The following DRC4 variants were observed in gnomAD, a reference collection of about 807,000 sequenced individuals.
DRC4 encodes dynein regulatory complex subunit 4.
chr16:90,038,351 C>T, the DRC4 span, among the ~76,000 whole-genome samples: 1 of 152,126 alleles, frequency 6.6e-6, no homozygotes, highest in African/African-American at 2.4e-5. Flanking sequence ...AGGCCATAAG[C>T]ACAATTTGCT....
At chr16:90,037,360 A>G in the DRC4 span, 1 of 1,613,944 alleles carries the variant, frequency 6.2e-7, no homozygotes, top group East Asian at 2.2e-5. Context: ...AGATGCAGAA[A>G]CAGCTCGCAA....
chr16:90,028,759 C>T, the DRC4 span: 2 of 475,434 alleles, frequency 4.2e-6, no homozygotes, highest in African/African-American at 2.1e-5. Context: ...CCTGTGAGCA[C>T]CTGACATGGG....
At chr16:90,035,018 C>A in the DRC4 span, among the ~76,000 whole-genome samples, 1 of 151,570 alleles carries the variant, frequency 6.6e-6, no homozygotes, top group East Asian at 1.9e-4. Flanking sequence ...ATTCTCCTGC[C>A]TCAGCCTCTC....
chr16:90,034,588 C>T, the DRC4 span, among the ~76,000 whole-genome samples: 1 of 152,078 alleles, frequency 6.6e-6, no homozygotes, highest in Admixed American at 6.5e-5. Context: ...TGCCACTGCA[C>T]TCCAGCCTGG....
the DRC4 span, chr16:90,042,263 G>T: frequency 1.6e-6 from 1 of 617,106 alleles, no homozygotes; most frequent in Non-Finnish European, 3.0e-6. Context: ...GGCAGGTTGT[G>T]CAAGCTCCCA....
chr16:90,026,016 G>C, the DRC4 span, among the ~76,000 whole-genome samples: 1 of 152,150 alleles, frequency 6.6e-6, no homozygotes, highest in East Asian at 1.9e-4. Context: ...CTCCTTGGGA[G>C]GCTGAGGTGG....
At chr16:90,021,855 C>T in the DRC4 span, among the ~76,000 whole-genome samples, 3 of 45,396 alleles carry the variant, frequency 6.6e-5, no homozygotes, top group African/African-American at 2.7e-4. Flanking sequence ...GACCCTGTCT[C>T]CAAAAAAAAA....
chr16:90,043,725 G>C, the DRC4 span: 1 of 484,046 alleles, frequency 2.1e-6, no homozygotes, highest in South Asian at 1.5e-5. Context: ...AGCTTTGCAG[G>C]TGCTGGCACT....
the DRC4 span, chr16:90,029,015 T>C: frequency 7.7e-7 from 1 of 1,305,438 alleles, no homozygotes; most frequent in Non-Finnish European, 1.0e-6. Context: ...GAAAGATGTC[T>C]GGAGCTGCTG....
chr16:90,043,840 G>A, the DRC4 span: 61 of 466,622 alleles, frequency 1.3e-4, no homozygotes, highest in Admixed American at 4.3e-4. Flanking sequence ...CACAAAGCCC[G>A]CTCTGTTGAG....
chr16:90,027,777 C>T, the DRC4 span: 4 of 1,522,772 alleles, frequency 2.6e-6, no homozygotes, highest in South Asian at 3.4e-5. Context: ...GGGCACCACG[C>T]AGGGTGCCTA....
the DRC4 span, among the ~76,000 whole-genome samples, chr16:90,041,061 A>G: frequency 1.3e-5 from 2 of 152,068 alleles, no homozygotes; most frequent in Non-Finnish European, 2.9e-5. Context: ...TGAGGGAGTG[A>G]GGGTCCCACT....
the DRC4 span, chr16:90,035,942 C>A: frequency 7.1e-7 from 1 of 1,408,920 alleles, no homozygotes; most frequent in Non-Finnish European, 9.3e-7. Flanking sequence ...CAGTAGTTAT[C>A]AGCAGGTGGT....
chr16:90,034,995 C>T, the DRC4 span, among the ~76,000 whole-genome samples: 2 of 149,844 alleles, frequency 1.3e-5, no homozygotes, highest in Non-Finnish European at 3.0e-5. Flanking sequence ...CCTCTGCCTC[C>T]CGGGTTCAAG....
At chr16:90,039,165 C>T in the DRC4 span, among the ~76,000 whole-genome samples, 1 of 152,170 alleles carries the variant, frequency 6.6e-6, no homozygotes, top group Non-Finnish European at 1.5e-5. Context: ...AGACAAGGGG[C>T]CCTTCCTTCT....
the DRC4 span, chr16:90,029,223 C>T: frequency 3.0e-6 from 3 of 989,924 alleles, no homozygotes; most frequent in African/African-American, 7.3e-5. Flanking sequence ...CGGGGCAGGC[C>T]CTTGCACTGC....
the DRC4 span, chr16:90,029,161 G>C: frequency 6.7e-6 from 9 of 1,349,614 alleles, no homozygotes; most frequent in African/African-American, 6.1e-5. Context: ...TACGGGGCAG[G>C]CTACGGGGCA....
At chr16:90,042,660 C>T in the DRC4 span, 2 of 762,816 alleles carry the variant, frequency 2.6e-6, no homozygotes, top group Admixed American at 2.0e-5. Context: ...GCAGCTGTCA[C>T]TGTCCCCACG....
chr16:90,036,494 C>G, the DRC4 span: 1 of 1,614,056 alleles, frequency 6.2e-7, no homozygotes, highest in Non-Finnish European at 8.5e-7. Context: ...GATCCACACG[C>G]TGATGCAGCG....
Sources: allele counts gnomAD v4.1 joint callset (sites outside exome capture counted in the v4.1 genomes callset), GRCh38; gene constraint gnomAD v4.1.1; transcripts MANE v1.5; gene names NCBI Gene and HGNC (gene_info 2026-07-23, HGNC 2026-07-21).